The following CDH18 variants were observed in gnomAD, a reference collection of about 807,000 sequenced individuals.
CDH18 encodes cadherin 18, also known as cadherin-18.
Under a neutral mutation model 67.9 loss-of-function variants are expected in CDH18, and 31 were observed. The ratio of observed to expected loss-of-function variants is 0.46; its 90% CI spans 0.34 to 0.62. The LOEUF (loss-of-function observed/expected upper bound fraction) is 0.62, where lower values mean the gene tolerates loss of function less well. Among genes scored for constraint, CDH18 ranks in the 20% least tolerant of loss-of-function variants. The pLI, the probability that CDH18 is intolerant of heterozygous loss-of-function variation, is 0.01. For missense variants in CDH18, 890 were observed against 975.5 expected (o/e 0.91, Z 1.17); for synonymous variants, 362 against 347.2 (o/e 1.04, Z -0.48).
chr5:20,450,997 G>C (rs900784293), intron 1 of CDH18, among the ~76,000 whole-genome samples: 2 of 152,162 alleles, frequency 1.3e-5, no homozygotes, highest in Non-Finnish European at 2.9e-5. Flanking sequence ...CATGAGAACA[G>C]CTTGGGAAAG....
At chr5:20,221,039 A>G (rs1015889974) in intron 2 of CDH18, among the ~76,000 whole-genome samples, 1 of 152,204 alleles carries the variant, frequency 6.6e-6, no homozygotes, top group African/African-American at 2.4e-5. Flanking sequence ...AAATTAATAC[A>G]ATATTTAGGG....
At chr5:20,510,933 G>A (rs987721216) in intron 1 of CDH18, among the ~76,000 whole-genome samples, 6 of 152,134 alleles carry the variant, frequency 3.9e-5, no homozygotes, top group South Asian at 2.1e-4. Flanking sequence ...CGATGTTGCC[G>A]ATAAATATGA....
chr5:19,762,728 C>A (rs1414138480), intron 3 of CDH18, among the ~76,000 whole-genome samples: 1 of 152,056 alleles, frequency 6.6e-6, no homozygotes, highest in East Asian at 1.9e-4. Context: ...TACCACATGA[C>A]CCAGTGATCC....
intron 10 of CDH18, 107 bp from the exon 11 acceptor site, chr5:19,503,216 T>C (rs553279812): frequency 3.2e-6 from 2 of 616,112 alleles, no homozygotes; most frequent in East Asian, 5.5e-5. Context: ...GGATCTTTTC[T>C]TCCAACTTGA....
intron 2 of CDH18, among the ~76,000 whole-genome samples, chr5:19,869,311 C>A (rs1291925111): frequency 6.6e-6 from 1 of 152,050 alleles, no homozygotes; most frequent in Non-Finnish European, 1.5e-5. Context: ...TTTTCCCTAT[C>A]ATGTAATAAT....
intron 5 of CDH18, among the ~76,000 whole-genome samples, chr5:19,688,226 G>A (rs1386946358): frequency 6.6e-6 from 1 of 152,176 alleles, no homozygotes; most frequent in African/African-American, 2.4e-5. Flanking sequence ...AAGTGGCCTA[G>A]AGGTTCAAGA....
At chr5:20,106,427 C>T (rs1450432853) in intron 2 of CDH18, among the ~76,000 whole-genome samples, 1 of 152,182 alleles carries the variant, frequency 6.6e-6, no homozygotes, top group Non-Finnish European at 1.5e-5. Flanking sequence ...CTGTTTTCTG[C>T]TAGAACCTTC....
chr5:19,756,561 T>C (rs1165496394), intron 3 of CDH18, among the ~76,000 whole-genome samples: 5 of 152,236 alleles, frequency 3.3e-5, no homozygotes, highest in Non-Finnish European at 5.9e-5. Context: ...CTGTATCCCA[T>C]GCATACTGTT....
chr5:20,178,262 G>T (rs2126674441), intron 2 of CDH18, among the ~76,000 whole-genome samples: 1 of 152,062 alleles, frequency 6.6e-6, no homozygotes, highest in South Asian at 2.1e-4. Flanking sequence ...CTTGTCAACT[G>T]CAGACTTTGG....
At chr5:19,542,492 G>GA (rs905759887) in intron 9 of CDH18, among the ~76,000 whole-genome samples, 1 of 151,924 alleles carries the variant, frequency 6.6e-6, no homozygotes, top group Non-Finnish European at 1.5e-5. Flanking sequence ...TTCCTATTAG[G>GA]AAAAAAATGG....
intron 2 of CDH18, among the ~76,000 whole-genome samples, chr5:19,870,635 C>A (rs539425464): frequency 6.6e-6 from 1 of 152,180 alleles, no homozygotes; most frequent in Non-Finnish European, 1.5e-5. Flanking sequence ...TGCTAGAGGT[C>A]TAGGCAGCAT....
chr5:20,282,225 C>T (rs1746337375), intron 1 of CDH18, among the ~76,000 whole-genome samples: 1 of 152,134 alleles, frequency 6.6e-6, no homozygotes, highest in Admixed American at 6.5e-5. Context: ...TGCCTGACTG[C>T]CCTGGCCAGA....
chr5:19,653,817 G>C (rs941588072), intron 5 of CDH18, among the ~76,000 whole-genome samples: 4 of 152,108 alleles, frequency 2.6e-5, no homozygotes, highest in African/African-American at 9.7e-5. Flanking sequence ...TCTTGTGATG[G>C]CCTGCACTTG....
chr5:19,863,708 G>A (rs1785147434), intron 2 of CDH18, among the ~76,000 whole-genome samples: 1 of 152,158 alleles, frequency 6.6e-6, no homozygotes, highest in African/African-American at 2.4e-5. Flanking sequence ...AGTGGCCCCA[G>A]GATGCAGAAG....
At chr5:20,000,408 C>G (rs1156876251) in intron 2 of CDH18, among the ~76,000 whole-genome samples, 2 of 152,078 alleles carry the variant, frequency 1.3e-5, no homozygotes, top group Non-Finnish European at 2.9e-5. Flanking sequence ...AAGGATTACA[C>G]ATAACATAGT....
At chr5:19,526,991 T>C (rs1747843933) in intron 9 of CDH18, among the ~76,000 whole-genome samples, 1 of 151,928 alleles carries the variant, frequency 6.6e-6, no homozygotes, top group South Asian at 2.1e-4. Flanking sequence ...TTTTGGTCTG[T>C]CTGATTTAGA....
At chr5:19,792,688 A>G (rs1776483531) in intron 3 of CDH18, among the ~76,000 whole-genome samples, 1 of 152,194 alleles carries the variant, frequency 6.6e-6, no homozygotes. Flanking sequence ...CATTGCACCA[A>G]AGCAATCTGA....
chr5:19,831,704 G>T (rs1386293777), intron 3 of CDH18, among the ~76,000 whole-genome samples: 2 of 152,014 alleles, frequency 1.3e-5, no homozygotes, highest in East Asian at 1.9e-4. Flanking sequence ...ATTTCTCAAA[G>T]AACTAGAAAT....
chr5:20,188,862 A>AAAC (rs1554100583), intron 2 of CDH18, among the ~76,000 whole-genome samples: 1 of 150,950 alleles, frequency 6.6e-6, no homozygotes, highest in Admixed American at 6.6e-5. Context: ...AAAAAAAAAA[A>AAAC]ATCCACTCTC....
Sources: gnomAD v4.1 joint callset for allele counts (sites outside exome capture counted in the v4.1 genomes callset) on GRCh38, gnomAD v4.1.1 for gene constraint, MANE v1.5 for transcripts, NCBI Gene and HGNC (gene_info 2026-07-23, HGNC 2026-07-21) for gene names.